The following OLFM4 variants were observed in gnomAD, a reference collection of about 807,000 sequenced individuals.
OLFM4 encodes the protein olfactomedin 4.
In OLFM4, 22 loss-of-function variants were observed where a neutral mutation model predicts 25.5. That is an observed-to-expected ratio of 0.86 (90% CI 0.62 to 1.23). The LOEUF is 1.23. OLFM4 is among the 50% of genes most tolerant of loss of function. OLFM4 has a pLI of 0.00. For missense variants in OLFM4, 594 were observed against 619.4 expected, an observed-to-expected ratio of 0.96 and a Z score of 0.44; for synonymous variants, 255 against 237.7, an observed-to-expected ratio of 1.07 and a Z score of -0.67.
chr13:53,043,223 A>C lies in OLFM4; in HGVS notation c.689A>C (p.Lys230Thr), dbSNP rs762101271. The C allele has an allele frequency of 6.2e-7, 1 of 1,611,920 alleles. No homozygotes were observed. The highest frequency in any genetic ancestry group is 1.1e-5 in the South Asian group (1 of 90,802). ...AAGCTGAAAGAGTGTGAGGCCTCTA[A>C]AGATCAAAACACCCCTGTCGTCCAC... ...KTKLKECEAS[K>T]DQNTPVVHPP... The change falls in exon 4 of 5, where the codon AAA becomes ACA. Residue 230 changes from lysine (K) to threonine (T), a missense_variant. Transcript: ENST00000219022.
At chr13:53,046,399 A>G (rs1954716236) in intron 4 of OLFM4, among the ~76,000 whole-genome samples, 1 of 152,200 alleles carries the variant, frequency 6.6e-6, no homozygotes, top group African/African-American at 2.4e-5. Context: ...AATGAATTGC[A>G]TGATGAAGAG....
At position 53,043,232 on chromosome 13, in the gene OLFM4, A is replaced by G; in HGVS notation, c.698A>G (p.Asn233Ser). The change falls in exon 4 of 5, where the codon AAC (asparagine) becomes AGC (serine). Residue 233 changes from asparagine to serine, a missense_variant. Asn to Ser is a conservative substitution (Grantham distance 46). Transcript: ENST00000219022. ...LKECEASKDQ[N>S]TPVVHPPPTP... is the part of the protein sequence containing the mutation. The stretch of plus-strand genomic sequence containing the variant: ...GAGTGTGAGGCCTCTAAAGATCAAA[A>G]CACCCCTGTCGTCCACCCTCCTCCC... 6.2e-7 allele frequency: 1 copy of G among 1,610,792 alleles called. No individual in the cohort carries two copies. Among genetic ancestry groups the G allele is most frequent in the South Asian group, 1.1e-5 (1 of 90,548 alleles).
In OLFM4 at chr13:53,028,893, A is replaced by G. The variant is rs1390499506; in HGVS notation, c.57A>G (p.Ala19=). 1 of 1,614,188 alleles carries G rather than the reference A, an allele frequency of 6.2e-7. No homozygotes were observed. The highest frequency in any genetic ancestry group is 1.1e-5 in the South Asian group (1 of 91,086). ...TTCTGTTCTTCCTTGGCCAAGCTGC[A>G]GGGGATTTGGGGGATGTGGGACCTC... ...LALLFFLGQA[A]GDLGDVGPPI... is the part of the protein sequence containing the mutation. Residue 19 remains alanine, a synonymous_variant, in exon 1 of 5, where the codon GCA becomes GCG. Transcript: ENST00000219022.
At chr13:53,033,610 AC>A (rs1200022756) in intron 1 of OLFM4, among the ~76,000 whole-genome samples, 2 of 152,190 alleles carry the variant, frequency 1.3e-5, no homozygotes, top group Admixed American at 6.5e-5. Context: ...ACTGAGGACA[AC>A]CCTGTGAAGT....
rs140500009 is a variant in OLFM4, at chr13:53,029,022, C to T, written c.186C>T (p.Ser62=). The T allele has an allele frequency of 1.8e-5, 29 of 1,613,986 alleles. No individual in the cohort carries two copies. Among genetic ancestry groups the T allele is most frequent in the African/African-American group, 9.3e-5 (7 of 74,906 alleles). The part of the protein sequence containing the change: ...SGSSSSRSLG[S]GGSVSQLFSN... ...CCAGCTCCAGCCGCAGCTTAGGCAG[C>T]GGAGGTTCTGTGTCCCAGGTGAGGA... Residue 62 remains serine (S), a synonymous_variant, in exon 1 of 5, where the codon AGC becomes AGT. Coordinates refer to ENST00000219022, the MANE Select transcript of OLFM4 (RefSeq NM_006418.5).
At chr13:53,034,999 C>A (rs1257783664) in intron 2 of OLFM4, among the ~76,000 whole-genome samples, 1 of 152,014 alleles carries the variant, frequency 6.6e-6, no homozygotes, top group East Asian at 1.9e-4. Context: ...TGCCCTTATT[C>A]ATCCCTTCTA....
In OLFM4 at chr13:53,033,792, G is replaced by C. The variant is rs549636485; in HGVS notation, c.205-556G>C. On this transcript the variant is annotated intron_variant, in intron 1 of 4. Coordinates refer to ENST00000219022, the MANE Select transcript of OLFM4 (RefSeq NM_006418.5). Reference sequence around the variant, plus strand: ...AGACTCCAGAATGGCCGGGCGCGGTGGCTCACGCCTGTAATCCCAGCACTT... The same window carrying C: ...AGACTCCAGAATGGCCGGGCGCGGTCGCTCACGCCTGTAATCCCAGCACTT... 5.3e-5 allele frequency among the ~76,000 whole-genome samples: 8 copies of C among 152,238 alleles called. No homozygotes were observed. In the South Asian group the frequency reaches 1.7e-3, roughly 32 times the overall value.
chr13:53,050,271 AC>A lies in OLFM4; in HGVS notation c.1035del (p.Asn347IlefsTer7). 2 of 1,614,068 alleles carry A rather than the reference AC, an allele frequency of 1.2e-6. No homozygotes were observed. On this transcript the variant is annotated frameshift_variant, in exon 5 of 5. Coordinates refer to ENST00000219022, the MANE Select transcript of OLFM4 (RefSeq NM_006418.5). LOFTEE classifies it high-confidence loss of function. ...NNNMYVNMYN[T>X]GNIARVNLTT... ...CAACATGTACGTCAACATGTACAAC[AC>A]CGGGAATATTGCCAGAGTTAACCTG...
At chr13:53,035,884 C>T (rs1313987860) in intron 2 of OLFM4, among the ~76,000 whole-genome samples, 2 of 152,116 alleles carry the variant, frequency 1.3e-5, no homozygotes, top group Admixed American at 6.5e-5. Flanking sequence ...CTTTTCAGCC[C>T]AAGTTAAAAA....
At position 53,028,851 on chromosome 13, in the gene OLFM4, C is replaced by T. The variant is rs149259735; in HGVS notation, c.15C>T (p.Leu5=). Reference sequence around the variant, plus strand: ...AAGAGGACAAGATGAGGCCCGGCCTCTCATTTCTCCTAGCCCTTCTGTTCT... The same window carrying T: ...AAGAGGACAAGATGAGGCCCGGCCTTTCATTTCTCCTAGCCCTTCTGTTCT... MRPG[L]SFLLALLFFL... is the part of the protein sequence containing the mutation. Residue 5 remains leucine, a synonymous_variant, in exon 1 of 5, where the codon CTC becomes CTT. Transcript: ENST00000219022. 1.4e-4 allele frequency: 233 copies of T among 1,614,128 alleles called. No individual in the cohort carries two copies. Among genetic ancestry groups the T allele is most frequent in the Non-Finnish European group, 1.8e-4 (213 of 1,180,050 alleles).
In OLFM4 at chr13:53,028,903, G is replaced by A. The variant is rs1401958766; in HGVS notation, c.67G>A (p.Gly23Arg). 5.6e-6 allele frequency: 9 copies of A among 1,614,226 alleles called. No homozygotes were observed. The Admixed American group carries it at 1.5e-4, about 27-fold the overall frequency. ...FFLGQAAGDL[G>R]DVGPPIPSPG... ...CCTTGGCCAAGCTGCAGGGGATTTGGGGGATGTGGGACCTCCAATTCCCAG... is the reference window on the plus strand; with the variant it reads ...CCTTGGCCAAGCTGCAGGGGATTTGAGGGATGTGGGACCTCCAATTCCCAG... Residue 23 changes from glycine (G) to arginine (R), a missense_variant, in exon 1 of 5, where the codon GGG (glycine) becomes AGG (arginine). Physicochemically the swap from Gly to Arg is moderately radical, Grantham distance 125. Transcript: ENST00000219022.
In OLFM4 at chr13:53,043,277, G is replaced by GT. The variant is rs1192949823; in HGVS notation, c.730+20dup. 4 of 1,571,758 alleles carry GT rather than the reference G, an allele frequency of 2.5e-6. No homozygotes were observed. Among genetic ancestry groups the GT allele is most frequent in the African/African-American group, 2.7e-5 (2 of 73,096 alleles). ...CCTCCCACTCCAGGTAAGCATGCCA[G>GT]TTTTTTTAACCACTTGTGCCAGACC... is the stretch of plus-strand genomic sequence containing the variant. On this transcript the variant is annotated intron_variant, in intron 4 of 4. Coordinates refer to ENST00000219022, the MANE Select transcript of OLFM4 (RefSeq NM_006418.5).
In OLFM4 at chr13:53,051,937, C is replaced by A. The variant is rs1346484238; in HGVS notation, c.*1166C>A. 1 of 152,030 alleles carries A rather than the reference C, an allele frequency of 6.6e-6. No homozygotes were observed. The highest frequency in any genetic ancestry group is 2.4e-5 in the African/African-American group (1 of 41,336). The allele number at this position is 152,030 out of a possible 1,614,324, so 9.4% of individuals were successfully genotyped here. On this transcript the variant is annotated 3_prime_UTR_variant, in exon 5 of 5. Transcript: ENST00000219022. ...GATGTGCTTCTGTGCTTTTGAATGA[C>A]TTTATCATCTAGTCTTTGTCTATTT...
chr13:53,036,973 C>T (rs1954662227), intron 2 of OLFM4, among the ~76,000 whole-genome samples: 1 of 152,170 alleles, frequency 6.6e-6, no homozygotes, highest in Admixed American at 6.5e-5. Flanking sequence ...AAGGTAGGCC[C>T]AGGAAGAGAT....
rs551914148 is a variant in OLFM4 at position 53,050,073 on chromosome 13, T to C, written c.835T>C (p.Ser279Pro). ...ATATGGTGCTTGGGGTAGGGATTAC[T>C]CTCCCCAGCATCCAAACAAAGGACT... ...YLYGAWGRDY[S>P]PQHPNKGLYW... The change falls in exon 5 of 5, where the codon TCT (serine) becomes CCT (proline). Residue 279 changes from serine (S) to proline (P), a missense_variant. Ser to Pro is a moderately conservative substitution (Grantham distance 74). Coordinates refer to ENST00000219022, the MANE Select transcript of OLFM4 (RefSeq NM_006418.5). 14 of 1,614,048 alleles carry C rather than the reference T, an allele frequency of 8.7e-6. No homozygotes were observed. The African/African-American group carries it at 9.3e-5, about 11-fold the overall frequency.
At chr13:53,035,960 A>G (rs1954656138) in intron 2 of OLFM4, among the ~76,000 whole-genome samples, 1 of 152,212 alleles carries the variant, frequency 6.6e-6, no homozygotes, top group Non-Finnish European at 1.5e-5. Flanking sequence ...CACATTATGC[A>G]TTATTTAATA....
At chr13:53,034,108 A>C (rs1332740772) in intron 1 of OLFM4, among the ~76,000 whole-genome samples, 2 of 147,558 alleles carry the variant, frequency 1.4e-5, no homozygotes, top group African/African-American at 2.5e-5. Context: ...ATCTTCCTTT[A>C]GGTAAAGTCT....
chr13:53,042,402 C>G (rs1345552855), intron 3 of OLFM4, among the ~76,000 whole-genome samples: 1 of 152,182 alleles, frequency 6.6e-6, no homozygotes, highest in Non-Finnish European at 1.5e-5. Flanking sequence ...TGAAAAGGAG[C>G]TGGCATAAAG....
intron 1 of OLFM4, among the ~76,000 whole-genome samples, chr13:53,029,733 C>T (rs1954618772): frequency 6.6e-6 from 1 of 152,142 alleles, no homozygotes; most frequent in Admixed American, 6.5e-5. Context: ...GGACCATTTC[C>T]AGCTCCAAAC....
Sources: gnomAD v4.1 joint callset for allele counts (sites outside exome capture counted in the v4.1 genomes callset) on GRCh38, gnomAD v4.1.1 for gene constraint, MANE v1.5 for transcripts, NCBI Gene and HGNC (gene_info 2026-07-23, HGNC 2026-07-21) for gene names.